Variants in MBP observed in about 807,000 individuals in gnomAD.
The protein encoded by MBP is Golli-MBP.
Under a neutral mutation model 35.8 loss-of-function variants are expected in MBP, and 16 were observed. The observed-to-expected ratio is 0.45, with a 90% CI of 0.30 to 0.68. MBP has a LOEUF of 0.68. Among genes scored for constraint, MBP ranks in the 30% least tolerant of loss-of-function variants. The pLI is 0.08. For missense variants in MBP, 380 were observed against 404.7 expected, an observed-to-expected ratio of 0.94 and a Z score of 0.52; for synonymous variants, 143 against 159.6, an observed-to-expected ratio of 0.90 and a Z score of 0.78.
At chr18:77,045,536 G>C (rs998318941) in intron 3 of MBP, among the ~76,000 whole-genome samples, 3 of 152,166 alleles carry the variant, frequency 2.0e-5, no homozygotes, top group African/African-American at 7.2e-5. Flanking sequence ...ATGTGTCTCC[G>C]ACAATGTCCT....
intron 3 of MBP, among the ~76,000 whole-genome samples, chr18:77,021,854 G>A (rs1056616099): frequency 6.6e-6 from 1 of 152,216 alleles, no homozygotes. Context: ...TGTATTTCCC[G>A]GGGTCTTTGG....
At chr18:77,039,888 GAC>G (rs1298993195) in intron 3 of MBP, among the ~76,000 whole-genome samples, 2 of 152,210 alleles carry the variant, frequency 1.3e-5, no homozygotes, top group African/African-American at 2.4e-5. Context: ...TCTTACAACT[GAC>G]ACCCTCGACA....
chr18:77,073,652 A>G (rs972986108), intron 2 of MBP, among the ~76,000 whole-genome samples: 1 of 152,204 alleles, frequency 6.6e-6, no homozygotes, highest in Non-Finnish European at 1.5e-5. Context: ...CACTCTCTCT[A>G]TCTTCCTAGC....
chr18:77,004,310 A>G (rs1450582886), intron 4 of MBP: 4 of 152,138 alleles, frequency 2.6e-5, no homozygotes, highest in African/African-American at 9.7e-5. Context: ...GGAAGCTATT[A>G]TTCGATTTCT....
At chr18:77,062,440 G>A (rs924844257) in intron 3 of MBP, among the ~76,000 whole-genome samples, 3 of 151,838 alleles carry the variant, frequency 2.0e-5, no homozygotes, top group African/African-American at 7.3e-5. Context: ...CTAGGTTGTC[G>A]TGCCTTAGAG....
intron 2 of MBP, among the ~76,000 whole-genome samples, chr18:77,090,246 C>G (rs181971213): frequency 2.6e-5 from 4 of 152,288 alleles, no homozygotes; most frequent in Admixed American, 6.5e-5. Flanking sequence ...AAAACAAAGT[C>G]GCAACTCTAG....
chr18:77,084,178 C>G (rs1233667585), intron 2 of MBP, among the ~76,000 whole-genome samples: 1 of 151,890 alleles, frequency 6.6e-6, no homozygotes, highest in Non-Finnish European at 1.5e-5. Context: ...CAGTTTAAAG[C>G]CACACTCTTT....
chr18:77,028,614 G>A (rs1427588760), intron 3 of MBP, among the ~76,000 whole-genome samples: 5 of 78,506 alleles, frequency 6.4e-5, no homozygotes, highest in Admixed American at 2.5e-4. Context: ...CTGGCCGGGC[G>A]GGGGGCTGAC....
rs1158346316 is a variant in MBP, at chr18:77,007,628, CCACACACACCCCCACACAAACACACACG to C, written c.576+9176_576+9203del. Among the ~76,000 whole-genome samples, 4 of 152,258 alleles carry C rather than the reference CCACACACACCCCCACACAAACACACACG, an allele frequency of 2.6e-5. 1 individual carries two copies. The Middle Eastern group carries it at 0.01, about 388-fold the overall frequency. ...CCTTCATTCCATAGACATGTAAATA[CCACACACACCCCCACACAAACACACACG>C]CACACACACCCCTACTGCTTTTCCT... On this transcript the variant is annotated intron_variant, in intron 4 of 8. Transcript: ENST00000355994.
At chr18:77,103,315 C>T (rs1453123245) in intron 2 of MBP, among the ~76,000 whole-genome samples, 1 of 152,170 alleles carries the variant, frequency 6.6e-6, no homozygotes. Flanking sequence ...TTCAATTCCG[C>T]GGACATTTCT....
chr18:77,016,069 G>C (rs1971606193), intron 4 of MBP: 1 of 985,106 alleles, frequency 1.0e-6, no homozygotes, highest in African/African-American at 1.7e-5. Context: ...TCAGGGACCA[G>C]CGCTTTGATG....
chr18:77,050,616 G>A (rs1047527494), intron 3 of MBP, among the ~76,000 whole-genome samples: 3 of 152,046 alleles, frequency 2.0e-5, no homozygotes, highest in Middle Eastern at 3.2e-3. Context: ...GCGTGATCTC[G>A]GCTCACTGCA....
intron 3 of MBP, among the ~76,000 whole-genome samples, chr18:77,035,269 C>T (rs1422867512): frequency 1.3e-5 from 2 of 152,200 alleles, no homozygotes; most frequent in Admixed American, 6.5e-5. Flanking sequence ...TGTCCCGGGA[C>T]GTACACACTG....
At chr18:77,088,592 G>A (rs1384719522) in intron 2 of MBP, among the ~76,000 whole-genome samples, 3 of 152,190 alleles carry the variant, frequency 2.0e-5, no homozygotes, top group Non-Finnish European at 2.9e-5. Flanking sequence ...TAGAGATATT[G>A]TAAATCATTA....
chr18:77,065,151 G>C (rs1283970236), intron 3 of MBP, among the ~76,000 whole-genome samples: 1 of 152,186 alleles, frequency 6.6e-6, no homozygotes, highest in Non-Finnish European at 1.5e-5. Flanking sequence ...ATTTTCTATT[G>C]CTATAACTGA....
chr18:77,064,566 G>A (rs1974112972), intron 3 of MBP, among the ~76,000 whole-genome samples: 2 of 152,196 alleles, frequency 1.3e-5, no homozygotes, highest in Admixed American at 1.3e-4. Flanking sequence ...TATTGAAACA[G>A]TCGGTAGCAC....
chr18:77,021,334 C>T (rs1406038630), intron 3 of MBP, among the ~76,000 whole-genome samples: 1 of 152,234 alleles, frequency 6.6e-6, no homozygotes, highest in African/African-American at 2.4e-5. Flanking sequence ...AACCCAGGTT[C>T]AGCAATTCTT....
chr18:77,060,056 C>T (rs1434083708), intron 3 of MBP, among the ~76,000 whole-genome samples: 3 of 152,156 alleles, frequency 2.0e-5, no homozygotes, highest in Non-Finnish European at 4.4e-5. Context: ...GCCTGTAATC[C>T]AGCACTTTGG....
intron 3 of MBP, among the ~76,000 whole-genome samples, chr18:77,018,365 CACCT>C (rs1473694472): frequency 2.2e-5 from 2 of 89,470 alleles, no homozygotes; most frequent in Non-Finnish European, 6.3e-5. Flanking sequence ...TACACATACC[CACCT>C]ACCCATCCAT....
Sources: gnomAD v4.1 joint callset for allele counts (sites outside exome capture counted in the v4.1 genomes callset) on GRCh38, gnomAD v4.1.1 for gene constraint, MANE v1.5 for transcripts, NCBI Gene and HGNC (gene_info 2026-07-23, HGNC 2026-07-21) for gene names.